The following LDLRAD4 variants were observed in gnomAD, a reference collection of about 807,000 sequenced individuals.
LDLRAD4 encodes low-density lipoprotein receptor class A domain-containing protein 4.
A neutral mutation model predicts 17.0 loss-of-function variants in LDLRAD4; 5 were observed. That is an observed-to-expected ratio of 0.29 (90% CI 0.15 to 0.62). The LOEUF (loss-of-function observed/expected upper bound fraction) is 0.62. Ranked by LOEUF, LDLRAD4 falls within the 20% of genes least tolerant of loss-of-function variation. LDLRAD4 has a pLI of 0.84. For missense variants in LDLRAD4, 340 were observed against 424.7 expected (o/e 0.80, Z 1.75); for synonymous variants, 168 against 171.8 (o/e 0.98, Z 0.17).
At chr18:13,650,327 G>T in exon 6 of LDLRAD4, 1 of 401,844 alleles carries the variant, frequency 2.5e-6, no homozygotes, top group Non-Finnish European at 4.4e-6. Context: ...GTCTTGCTAA[G>T]AAAGCAATGT....
intron 1 of LDLRAD4, among the ~76,000 whole-genome samples, chr18:13,289,618 CT>C (rs1371795100): frequency 1.3e-5 from 2 of 152,150 alleles, no homozygotes; most frequent in Non-Finnish European, 2.9e-5. Context: ...CACTGTCATA[CT>C]TTGCAAAGTA....
chr18:13,324,671 C>T (rs768917929), intron 1 of LDLRAD4, among the ~76,000 whole-genome samples: 10 of 152,158 alleles, frequency 6.6e-5, no homozygotes, highest in Non-Finnish European at 1.2e-4. Flanking sequence ...CCTCCAGTCC[C>T]TGTCTGCTGT....
chr18:13,285,243 A>T (rs190144948), intron 1 of LDLRAD4, among the ~76,000 whole-genome samples: 77 of 152,282 alleles, frequency 5.1e-4, no homozygotes, highest in African/African-American at 1.8e-3. Context: ...GGAGAATGCC[A>T]GGGCTTTGAT....
intron 3 of LDLRAD4, among the ~76,000 whole-genome samples, chr18:13,541,594 T>C (rs55956267): frequency 0.17 from 25,410 of 152,242 alleles, 2,543 homozygotes; most frequent in Middle Eastern, 0.33. Flanking sequence ...TCTGGTGTTC[T>C]GCACTCTGCA....
intron 3 of LDLRAD4, chr18:13,522,632 A>C (rs934523297): frequency 5.3e-5 from 8 of 152,170 alleles, no homozygotes; most frequent in African/African-American, 1.7e-4. Context: ...TCCAGGTAGA[A>C]GCTTACATGC....
intron 1 of LDLRAD4, among the ~76,000 whole-genome samples, chr18:13,363,145 A>G (rs1054704770): frequency 2.6e-5 from 4 of 151,988 alleles, no homozygotes; most frequent in Non-Finnish European, 5.9e-5. Flanking sequence ...CCTGGCTACC[A>G]CGGTGAAACC....
chr18:13,302,448 A>G (rs1166777554), intron 1 of LDLRAD4, among the ~76,000 whole-genome samples: 5 of 152,204 alleles, frequency 3.3e-5, no homozygotes, highest in Non-Finnish European at 7.3e-5. Context: ...AAGCACTGGC[A>G]CTACCTGGGG....
At chr18:13,564,752 G>A (rs1424011925) in intron 3 of LDLRAD4, among the ~76,000 whole-genome samples, 3 of 152,198 alleles carry the variant, frequency 2.0e-5, no homozygotes, top group African/African-American at 7.2e-5. Context: ...TCCCTTCATT[G>A]CCTTGGCAGT....
chr18:13,348,894 G>T (rs543707514), intron 1 of LDLRAD4, among the ~76,000 whole-genome samples: 35 of 152,334 alleles, frequency 2.3e-4, no homozygotes, highest in African/African-American at 8.2e-4. Flanking sequence ...TAATCTCCTG[G>T]TGTGATGTTT....
chr18:13,540,816 G>C (rs755372559), intron 3 of LDLRAD4, among the ~76,000 whole-genome samples: 1 of 152,244 alleles, frequency 6.6e-6, no homozygotes, highest in Non-Finnish European at 1.5e-5. Context: ...ACAGTTATAA[G>C]ATGGAAGGTT....
intron 2 of LDLRAD4, among the ~76,000 whole-genome samples, chr18:13,391,983 G>A (rs977244924): frequency 3.3e-5 from 5 of 152,218 alleles, no homozygotes; most frequent in Non-Finnish European, 5.9e-5. Flanking sequence ...ATAACGCTTT[G>A]ATGAACACCT....
rs141975888 is a variant in LDLRAD4, at chr18:13,369,549, G to A, written c.-382-17792G>A. 1.6e-3 allele frequency among the ~76,000 whole-genome samples: 244 copies of A among 152,206 alleles called. 2 individuals carry two copies. The highest frequency in any genetic ancestry group is 5.7e-3 in the African/African-American group (235 of 41,530). On this transcript the variant is annotated intron_variant, in intron 1 of 5. Transcript: ENST00000359446. ...GGGTGGAGGGAGATGAGAGTGGAAG[G>A]GAGGCAGTGTTCGGACCGTGAGAAG...
At chr18:13,579,753 A>G (rs1460286026) in intron 3 of LDLRAD4, among the ~76,000 whole-genome samples, 1 of 152,232 alleles carries the variant, frequency 6.6e-6, no homozygotes, top group Admixed American at 6.5e-5. Context: ...GACTGTTGCA[A>G]GTTATCCTGG....
chr18:13,593,438 G>A (rs1464249746), intron 3 of LDLRAD4, among the ~76,000 whole-genome samples: 1 of 152,226 alleles, frequency 6.6e-6, no homozygotes, highest in Non-Finnish European at 1.5e-5. Context: ...CACAGTGTTA[G>A]TTACAGAGGA....
At chr18:13,596,668 A>G (rs2095099770) in intron 3 of LDLRAD4, among the ~76,000 whole-genome samples, 1 of 152,088 alleles carries the variant, frequency 6.6e-6, no homozygotes, top group Non-Finnish European at 1.5e-5. Flanking sequence ...GTGTCATTTT[A>G]TGTCTTTTAA....
At chr18:13,235,372 C>T (rs2042285878) in intron 1 of LDLRAD4, among the ~76,000 whole-genome samples, 1 of 152,188 alleles carries the variant, frequency 6.6e-6, no homozygotes, top group Non-Finnish European at 1.5e-5. Context: ...TTCCTCTGTT[C>T]TTGGGATCAG....
At chr18:13,316,137 A>C (rs1201878529) in intron 1 of LDLRAD4, among the ~76,000 whole-genome samples, 1 of 152,184 alleles carries the variant, frequency 6.6e-6, no homozygotes, top group Non-Finnish European at 1.5e-5. Flanking sequence ...AATTCAAGAA[A>C]CTTTACAAAC....
chr18:13,322,303 T>TG (rs1223896679), intron 1 of LDLRAD4, among the ~76,000 whole-genome samples: 1 of 145,848 alleles, frequency 6.9e-6, no homozygotes, highest in Non-Finnish European at 1.5e-5. Context: ...TTTTTTTTTT[T>TG]TTTTTTTTGG....
Position 13,381,329 on chromosome 18 carries a change from A to G in LDLRAD4, c.-382-6012A>G, listed in dbSNP as rs2085345918. Among the ~76,000 whole-genome samples, 2 of 151,886 alleles carry G rather than the reference A, an allele frequency of 1.3e-5. 1 individual carries two copies. The highest frequency in any genetic ancestry group is 1.3e-4 in the Admixed American group (2 of 15,278). On this transcript the variant is annotated intron_variant, in intron 1 of 5. Transcript: ENST00000359446. ...GCAATCCTCCTGCCACAGCCTCCCA[A>G]AGCACTGGGGTTACAGGCGTGAGGC...
Sources: gnomAD v4.1 joint callset for allele counts (sites outside exome capture counted in the v4.1 genomes callset) on GRCh38, gnomAD v4.1.1 for gene constraint, MANE v1.5 for transcripts, NCBI Gene and HGNC (gene_info 2026-07-23, HGNC 2026-07-21) for gene names.